SLC37A2: variants seen among roughly 807,000 people sequenced by gnomAD.
SLC37A2 encodes the protein solute carrier family 37 member 2, also known as glucose-6-phosphate exchanger SLC37A2.
A neutral mutation model predicts 70.7 loss-of-function variants in SLC37A2; 59 were observed. That is an observed-to-expected ratio of 0.83 (90% CI 0.68 to 1.04). The LOEUF (loss-of-function observed/expected upper bound fraction) is 1.04, where lower values mean the gene tolerates loss of function less well. Ranked by LOEUF, SLC37A2 falls within the 50% of genes least tolerant of loss-of-function variation. SLC37A2 has a pLI of 0.00. For missense variants in SLC37A2, 580 were observed against 658.1 expected (o/e 0.88, Z 1.30); for synonymous variants, 257 against 262.1 (o/e 0.98, Z 0.19).
intron 10 of SLC37A2, 152 bp downstream of exon 10, chr11:125,082,486 G>A: frequency 2.8e-6 from 2 of 710,406 alleles, no homozygotes; most frequent in Non-Finnish European, 2.4e-6. Context: ...GCTTGATTTA[G>A]TTGTTTACTT....
chr11:125,083,016 C>T lies in SLC37A2; in HGVS notation c.976+682C>T, dbSNP rs1006054298. On this transcript the variant is annotated intron_variant, in intron 10 of 17. Transcript: ENST00000403796. This position sits in a 1 kb window ranked among gnomAD's most constrained non-coding sequence, Gnocchi z 4.6. ...AGCAGCCCACCCCGCCCTGCCCAGC[C>T]CCCAGGAGCCTCCAAGCTCCACCAG... 2.0e-5 allele frequency: 3 copies of T among 152,642 alleles called. No homozygotes were observed. Among genetic ancestry groups the T allele is most frequent in the African/African-American group, 7.2e-5 (3 of 41,460 alleles). The allele number at this position is 152,642 out of a possible 1,614,324, so 9.5% of individuals were successfully genotyped here. A position where few individuals can be genotyped will look rare whatever the true frequency, so the allele number is the denominator to read the frequency against.
At position 125,083,183 on chromosome 11, in the gene SLC37A2, C is replaced by T. The variant is rs11605560; in HGVS notation, c.977-632C>T. ...GCCAAGTTCAAGCCATAGCTTGCCC[C>T]GCAGCTCTGTCGGGGCCTCTCTCGT... On this transcript the variant is annotated intron_variant, in intron 10 of 17. Transcript: ENST00000403796. The surrounding 1 kb of genome is among the most constrained non-coding windows in gnomAD (Gnocchi z 4.6). The T allele has an allele frequency of 0.2, 30,020 of 152,536 alleles. 3,156 individuals carry two copies. The highest frequency in any genetic ancestry group is 0.23 in the African/African-American group (9,668 of 41,520). 9.4% of individuals were successfully genotyped at this position (152,536 alleles called of 1,614,324 possible). A position where few individuals can be genotyped will look rare whatever the true frequency, so the allele number is the denominator to read the frequency against.
intron 1 of SLC37A2, among the ~76,000 whole-genome samples, chr11:125,070,042 GCCCT>G (rs1268563921): frequency 6.6e-6 from 1 of 152,216 alleles, no homozygotes; most frequent in East Asian, 1.9e-4. Context: ...ATTTCCTGGG[GCCCT>G]CTGAGGGGGA....
Position 125,063,372 on chromosome 11 carries a change from G to C in SLC37A2, c.5G>C (p.Arg2Pro), listed in dbSNP as rs770254575. The C allele has an allele frequency of 3.1e-6, 5 of 1,611,532 alleles. No individual in the cohort carries two copies. The highest frequency in any genetic ancestry group is 4.5e-5 in the East Asian group (2 of 44,784). The change falls in exon 1 of 18, where the codon CGG (arginine) becomes CCG (proline). Residue 2 changes from arginine (R) to proline (P), a missense_variant. By Grantham distance (103) the Arg-to-Pro change is moderately radical (BLOSUM62 -2). Transcript: ENST00000403796. The surrounding 1 kb of genome is among the most constrained non-coding windows in gnomAD (Gnocchi z 5.4). ...CTTAGGTACCGGTCAGGCAAAATGC[G>C]GTCCTCCCTGGCTCCGGGAGTCTGG... M[R>P]SSLAPGVWFF...
chr11:125,068,928 GA>G (rs1318458161), intron 1 of SLC37A2, among the ~76,000 whole-genome samples: 1 of 152,196 alleles, frequency 6.6e-6, no homozygotes, highest in Non-Finnish European at 1.5e-5. Context: ...AAGAAGTGAA[GA>G]AGACAGAATA....
In SLC37A2 at chr11:125,083,492, CA is replaced by C; in HGVS notation, c.977-322del. 9.9e-6 allele frequency: 3 copies of C among 302,710 alleles called. No homozygotes were observed. The highest frequency in any genetic ancestry group is 1.9e-5 in the Non-Finnish European group (3 of 158,760). 18.8% of individuals were successfully genotyped at this position (302,710 alleles called of 1,614,324 possible). Reference sequence around the variant, plus strand: ...GCAGAGAAAGGGCTGGGCTGAGCTTCAGGTTGCGCTCCAGGGGAAAGGTGGC... The same window carrying C: ...GCAGAGAAAGGGCTGGGCTGAGCTTCGGTTGCGCTCCAGGGGAAAGGTGGC... On this transcript the variant is annotated intron_variant, in intron 10 of 17. Coordinates refer to ENST00000403796, the MANE Select transcript of SLC37A2 (RefSeq NM_001145290.2). The surrounding 1 kb of genome is among the most constrained non-coding windows in gnomAD (Gnocchi z 4.6).
rs190953685 is a variant in SLC37A2, at chr11:125,089,681, C to T, written c.*1547C>T. The T allele has an allele frequency of 0.019, 2,945 of 152,994 alleles. 89 individuals are homozygous for T. The highest frequency in any genetic ancestry group is 0.066 in the African/African-American group (2,756 of 41,558). 9.5% of individuals were successfully genotyped at this position (152,994 alleles called of 1,614,324 possible). ...GGTGTACTGGGTCCCCCAGCAGTGC[C>T]GGCCCACCTGCGCTGTGCTTGATTT... On this transcript the variant is annotated 3_prime_UTR_variant, in exon 18 of 18. Coordinates refer to ENST00000403796, the MANE Select transcript of SLC37A2 (RefSeq NM_001145290.2).
rs770470513 is a variant in SLC37A2, at chr11:125,085,626, G to C, written c.1377G>C (p.Trp459Cys). Residue 459 changes from tryptophan to cysteine, a missense_variant, in exon 16 of 18, where the codon TGG becomes TGC. Physicochemically the swap from Trp to Cys is radical, Grantham distance 215. Transcript: ENST00000403796. ...LLAGLISPTG[W>C]NNVFYMLISA... ...CTGGGCTCATCTCCCCCACGGGCTGGAACAATGTCTTCTACATGCTCATCT... is the reference window on the plus strand; with the variant it reads ...CTGGGCTCATCTCCCCCACGGGCTGCAACAATGTCTTCTACATGCTCATCT... 5 of 1,613,808 alleles carry C rather than the reference G, an allele frequency of 3.1e-6. No individual in the cohort carries two copies. Among genetic ancestry groups the C allele is most frequent in the Non-Finnish European group, 4.2e-6 (5 of 1,180,034 alleles).
Position 125,085,680 on chromosome 11 carries a change from A to C in SLC37A2, c.1425+6A>C. 6.2e-7 allele frequency: 1 copy of C among 1,611,510 alleles called. No homozygotes were observed. The highest frequency in any genetic ancestry group is 8.5e-7 in the Non-Finnish European group (1 of 1,179,694). On this transcript the variant is annotated splice_donor_region_variant and intron_variant, in intron 16 of 17. Transcript: ENST00000403796. ...CCGACGTCCTAGCCTGCTTGGTAAG[A>C]GTCTTGGGGTACACAGATAGGTATT...
rs905943913 is a variant in SLC37A2 at position 125,088,908 on chromosome 11, A to G, written c.*774A>G. On this transcript the variant is annotated 3_prime_UTR_variant, in exon 18 of 18. Transcript: ENST00000403796. ...CATGACTAAAAATACCAGTATGTGT[A>G]TTAAGTATTTTGAGAATGAAATGCC... 1.3e-5 allele frequency: 2 copies of G among 151,796 alleles called. No individual in the cohort carries two copies. Among genetic ancestry groups the G allele is most frequent in the African/African-American group, 4.9e-5 (2 of 41,196 alleles). The allele number at this position is 151,796 out of a possible 1,614,324, so 9.4% of individuals were successfully genotyped here.
chr11:125,077,670 C>G, intron 4 of SLC37A2, 142 bp downstream of exon 4: 1 of 633,798 alleles, frequency 1.6e-6, no homozygotes, highest in South Asian at 2.1e-5. Context: ...CTTGCCTTAC[C>G]GCGGTCGCAG....
At chr11:125,068,019 AG>A (rs1412944417) in intron 1 of SLC37A2, among the ~76,000 whole-genome samples, 1 of 152,062 alleles carries the variant, frequency 6.6e-6, no homozygotes, top group Non-Finnish European at 1.5e-5. Context: ...GGGAGTGGGG[AG>A]GGTGGATCAT....
At chr11:125,084,616 CTGTT>C (rs1292087222) in intron 12 of SLC37A2, among the ~76,000 whole-genome samples, 1 of 152,216 alleles carries the variant, frequency 6.6e-6, no homozygotes, top group Non-Finnish European at 1.5e-5. Flanking sequence ...TGAGAGAAGA[CTGTT>C]TGGAGAAAGG....
chr11:125,078,991 A>G (rs1359349665), intron 4 of SLC37A2, 121 bp from the exon 5 acceptor site: 2 of 1,282,642 alleles, frequency 1.6e-6, no homozygotes, highest in African/African-American at 3.0e-5. Flanking sequence ...ATGGCAACAC[A>G]GAAGTCATTG....
At chr11:125,064,279 T>C (rs903575047) in intron 1 of SLC37A2, among the ~76,000 whole-genome samples, 1 of 152,148 alleles carries the variant, frequency 6.6e-6, no homozygotes, top group Admixed American at 6.5e-5. Context: ...GAGAATTACA[T>C]GAGGCCAGGA....
Position 125,080,241 on chromosome 11 carries a change from A to G in SLC37A2, c.528-373A>G, listed in dbSNP as rs544787531. Among the ~76,000 whole-genome samples the G allele has an allele frequency of 1.3e-5, 2 of 152,168 alleles. No individual in the cohort carries two copies. The highest frequency in any genetic ancestry group is 4.8e-5 in the African/African-American group (2 of 41,488). On this transcript the variant is annotated intron_variant, in intron 6 of 17. Transcript: ENST00000403796. The surrounding 1 kb of genome is among the most constrained non-coding windows in gnomAD (Gnocchi z 4.3). Reference sequence around the variant, plus strand: ...ACACCCTGAGCTGTGACCATGAAAAATCTCTAGCTGTTACCAGATATCCCT... The same window carrying G: ...ACACCCTGAGCTGTGACCATGAAAAGTCTCTAGCTGTTACCAGATATCCCT...
At chr11:125,078,534 T>C (rs1391166420) in intron 4 of SLC37A2, among the ~76,000 whole-genome samples, 1 of 151,158 alleles carries the variant, frequency 6.6e-6, no homozygotes, top group African/African-American at 2.4e-5. Context: ...GGAGACTGAA[T>C]GTGAGGGGTG....
intron 1 of SLC37A2, among the ~76,000 whole-genome samples, chr11:125,075,179 G>C (rs1949070661): frequency 6.6e-6 from 1 of 152,232 alleles, no homozygotes; most frequent in Non-Finnish European, 1.5e-5. Flanking sequence ...GGCGGGGCTT[G>C]GTGGCTGCTA....
At chr11:125,069,452 A>G (rs569372795) in intron 1 of SLC37A2, among the ~76,000 whole-genome samples, 1 of 152,356 alleles carries the variant, frequency 6.6e-6, no homozygotes, top group South Asian at 2.1e-4. Flanking sequence ...TGATGTACCT[A>G]TATCACGGGG....
Sources: allele counts gnomAD v4.1 joint callset (sites outside exome capture counted in the v4.1 genomes callset), GRCh38; gene constraint gnomAD v4.1.1; non-coding constraint Gnocchi (gnomAD v3.1); transcripts MANE v1.5; gene names NCBI Gene and HGNC (gene_info 2026-07-23, HGNC 2026-07-21).